HIPK3: variants seen among roughly 807,000 people sequenced by gnomAD.
HIPK3 encodes homeodomain interacting protein kinase 3.
Under a neutral mutation model 124.2 loss-of-function variants are expected in HIPK3, and 47 were observed. The observed-to-expected ratio is 0.38, with a 90% CI of 0.30 to 0.48. The LOEUF is 0.48. Ranked by LOEUF, HIPK3 falls within the 20% of genes least tolerant of loss-of-function variation. The pLI, the probability that HIPK3 is intolerant of heterozygous loss-of-function variation, is 0.98. For missense variants in HIPK3, 1,286 were observed against 1,454.3 expected (o/e 0.88, Z 1.88); for synonymous variants, 482 against 515.2 (o/e 0.94, Z 0.87).
intron 7 of HIPK3, among the ~76,000 whole-genome samples, 162 bp from the exon 8 acceptor site, chr11:33,341,401 T>C (rs1853330356): frequency 6.6e-6 from 1 of 152,190 alleles, no homozygotes. Flanking sequence ...GTCAGTAGAA[T>C]CGGTTTTTAA....
intron 1 of HIPK3, among the ~76,000 whole-genome samples, chr11:33,261,120 T>A (rs187454069): frequency 1.7e-3 from 166 of 98,652 alleles, no homozygotes; most frequent in African/African-American, 5.4e-3. Context: ...ATACATAAAA[T>A]ATATATTATA....
chr11:33,348,794 C>T lies in HIPK3; in HGVS notation c.2642C>T (p.Thr881Ile). Reference sequence around the variant, plus strand: ...AGCAGTGACACTGATGAGGAAGAGACTTCCCAGAGACATTCACTCAGAGAG... The same window carrying T: ...AGCAGTGACACTGATGAGGAAGAGATTTCCCAGAGACATTCACTCAGAGAG... ...TISSDTDEEE[T>I]SQRHSLRECK... is the part of the protein sequence containing the mutation. Residue 881 changes from threonine to isoleucine, a missense_variant, in exon 13 of 17, where the codon ACT (threonine) becomes ATT (isoleucine). Thr to Ile is a moderately conservative substitution (Grantham distance 89). Coordinates refer to ENST00000303296, the MANE Select transcript of HIPK3 (RefSeq NM_005734.5). The T allele has an allele frequency of 6.2e-7, 1 of 1,613,892 alleles. No individual in the cohort carries two copies. The highest frequency in any genetic ancestry group is 8.5e-7 in the Non-Finnish European group (1 of 1,179,794).
At chr11:33,257,948 CG>C (rs1850710747) in intron 1 of HIPK3, 59 bp downstream of exon 1, 3 of 984,540 alleles carry the variant, frequency 3.0e-6, no homozygotes, top group Non-Finnish European at 3.6e-6. Context: ...GCTCCGTCTG[CG>C]GGCTCCGCGG....
rs1028795279 is a variant in HIPK3 at position 33,257,739 on chromosome 11, C to T, written c.-153C>T. ...CCTCTCAGCCGCCAGGACAAGATGG[C>T]AGCGGCCGCGGAGAGGGGCTGAGCC... On this transcript the variant is annotated 5_prime_UTR_variant, in exon 1 of 17. It introduces an in-frame stop codon into an upstream open reading frame of the 5' UTR. Coordinates refer to ENST00000303296, the MANE Select transcript of HIPK3 (RefSeq NM_005734.5). 28 of 988,800 alleles carry T rather than the reference C, an allele frequency of 2.8e-5. No homozygotes were observed. The highest frequency in any genetic ancestry group is 4.5e-5 in the South Asian group (1 of 21,998). The allele number at this position is 988,800 out of a possible 1,614,324, so 61.3% of individuals were successfully genotyped here. A position where few individuals can be genotyped will look rare whatever the true frequency, so the allele number is the denominator to read the frequency against.
intron 2 of HIPK3, among the ~76,000 whole-genome samples, chr11:33,320,902 G>C (rs1353010811): frequency 5.3e-5 from 8 of 152,176 alleles, no homozygotes; most frequent in African/African-American, 1.9e-4. Flanking sequence ...AGTTAAAAGA[G>C]AGAGGTCTGA....
At chr11:33,258,136 C>T (rs1050319213) in intron 1 of HIPK3, among the ~76,000 whole-genome samples, 8 of 152,086 alleles carry the variant, frequency 5.3e-5, no homozygotes, top group Admixed American at 3.3e-4. Flanking sequence ...CCACGCCAGG[C>T]CCTGGGCCGC....
rs112993351 is a variant in HIPK3 at position 33,347,334 on chromosome 11, A to C, written c.1939A>C (p.Arg647=). The change falls in exon 9 of 17, where the codon AGG becomes CGG. Residue 647 remains arginine, a synonymous_variant. Coordinates refer to ENST00000303296, the MANE Select transcript of HIPK3 (RefSeq NM_005734.5). ...TGGTAAACCCACCAGTTATTCAATAAGGGTAGATAATACAGTTCCACTTGT... is the reference window on the plus strand; with the variant it reads ...TGGTAAACCCACCAGTTATTCAATACGGGTAGATAATACAGTTCCACTTGT... ...THGKPTSYSI[R]VDNTVPLVTQ... is the part of the protein sequence containing the mutation. The C allele has an allele frequency of 1.5e-5, 25 of 1,613,580 alleles. No individual in the cohort carries two copies. In the Middle Eastern group the frequency reaches 6.6e-4, roughly 43 times the overall value.
intron 14 of HIPK3, 146 bp from the exon 15 acceptor site, chr11:33,351,462 G>A: frequency 3.3e-6 from 2 of 609,414 alleles, no homozygotes; most frequent in South Asian, 4.5e-5. Context: ...TTATGAAAAA[G>A]TGCTATTGGA....
At chr11:33,322,758 G>A in intron 2 of HIPK3, among the ~76,000 whole-genome samples, 1 of 152,204 alleles carries the variant, frequency 6.6e-6, no homozygotes, top group East Asian at 1.9e-4. Context: ...CCCAGAAGGT[G>A]GAGATTGCAG....
At position 33,356,140 on chromosome 11, in the gene HIPK3, A is replaced by G. The variant is rs73489287; in HGVS notation, c.*2572A>G. ...CATGTTTACTACCCTGAAATGTTGTATTTTTTGTCTTTAATTTCCAAGACT... is the reference window on the plus strand; with the variant it reads ...CATGTTTACTACCCTGAAATGTTGTGTTTTTTGTCTTTAATTTCCAAGACT... On this transcript the variant is annotated 3_prime_UTR_variant, in exon 17 of 17. Transcript: ENST00000303296. 526 of 152,134 alleles carry G rather than the reference A, an allele frequency of 3.5e-3. 5 individuals are homozygous for G. Among genetic ancestry groups the G allele is most frequent in the African/African-American group, 0.012 (495 of 41,562 alleles). The allele number at this position is 152,134 out of a possible 1,614,324, so 9.4% of individuals were successfully genotyped here.
At chr11:33,279,098 G>A (rs987877803) in intron 1 of HIPK3, among the ~76,000 whole-genome samples, 1 of 152,106 alleles carries the variant, frequency 6.6e-6, no homozygotes, top group Non-Finnish European at 1.5e-5. Context: ...TGGATGGCTT[G>A]AGGCTAGGAA....
At chr11:33,280,800 T>G (rs1022893251) in intron 1 of HIPK3, among the ~76,000 whole-genome samples, 1 of 152,242 alleles carries the variant, frequency 6.6e-6, no homozygotes, top group Non-Finnish European at 1.5e-5. Context: ...TAACATGGCA[T>G]GAATTAGCCT....
At chr11:33,292,602 C>T (rs1370727694) in intron 2 of HIPK3, among the ~76,000 whole-genome samples, 1 of 152,104 alleles carries the variant, frequency 6.6e-6, no homozygotes, top group Non-Finnish European at 1.5e-5. Flanking sequence ...CCTAAAAAAG[C>T]TCAGCATTGG....
At chr11:33,280,108 A>G (rs930916294) in intron 1 of HIPK3, among the ~76,000 whole-genome samples, 1 of 152,202 alleles carries the variant, frequency 6.6e-6, no homozygotes, top group South Asian at 2.1e-4. Context: ...TGAAAGCTTA[A>G]TGGTTGCTCT....
At chr11:33,314,967 T>C (rs915823511) in intron 2 of HIPK3, among the ~76,000 whole-genome samples, 2 of 152,214 alleles carry the variant, frequency 1.3e-5, no homozygotes, top group Non-Finnish European at 2.9e-5. Context: ...TGTTATGTCA[T>C]ACAATAAGAT....
chr11:33,304,378 A>T (rs1446278151), intron 2 of HIPK3, among the ~76,000 whole-genome samples: 2 of 152,126 alleles, frequency 1.3e-5, no homozygotes, highest in African/African-American at 4.8e-5. Context: ...ACGAACATGG[A>T]GAAACCCCGT....
At chr11:33,282,216 A>G (rs558757215) in intron 1 of HIPK3, among the ~76,000 whole-genome samples, 1 of 151,358 alleles carries the variant, frequency 6.6e-6, no homozygotes, top group East Asian at 2.0e-4. Context: ...GCAAGACCCC[A>G]TCTCTACAAA....
At chr11:33,260,464 A>G (rs1414729976) in intron 1 of HIPK3, among the ~76,000 whole-genome samples, 1 of 152,260 alleles carries the variant, frequency 6.6e-6, no homozygotes, top group African/African-American at 2.4e-5. Context: ...ATTTCATGGA[A>G]TGCTTGTTTG....
chr11:33,341,244 T>C, intron 7 of HIPK3, 117 bp downstream of exon 7: 1 of 663,288 alleles, frequency 1.5e-6, no homozygotes, highest in South Asian at 2.8e-5. Context: ...TGTGAGGTCT[T>C]ACTATACCTG....
Sources: gnomAD v4.1 joint callset for allele counts (sites outside exome capture counted in the v4.1 genomes callset) on GRCh38, gnomAD v4.1.1 for gene constraint, MANE v1.5 for transcripts, NCBI Gene and HGNC (gene_info 2026-07-23, HGNC 2026-07-21) for gene names.